The following NUBPL variants were observed in gnomAD, a reference collection of about 807,000 sequenced individuals.
NUBPL encodes the protein iron-sulfur cluster transfer protein NUBPL.
NUBPL carries 31 observed loss-of-function variants against 45.7 expected under a neutral mutation model. That is an observed-to-expected ratio of 0.68 (90% confidence interval 0.51 to 0.92). The LOEUF (loss-of-function observed/expected upper bound fraction) is 0.92, where lower values mean the gene tolerates loss of function less well. Ranked by LOEUF, NUBPL falls within the 40% of genes least tolerant of loss-of-function variation. The probability of loss-of-function intolerance (pLI) is 0.00; values close to 1 mark genes in which losing one functional copy is unlikely to be tolerated. For missense variants in NUBPL, 401 were observed against 398.7 expected (o/e 1.01, Z -0.05); for synonymous variants, 144 against 140.9 (o/e 1.02, Z -0.15).
chr14:31,693,800 T>TAAA (rs60070958), intron 6 of NUBPL, among the ~76,000 whole-genome samples: 4 of 94,594 alleles, frequency 4.2e-5, no homozygotes, highest in African/African-American at 1.7e-4. Flanking sequence ...AAGACAAAAT[T>TAAA]AAAAAAAAAA....
chr14:31,798,302 G>GT (rs1566566926), intron 7 of NUBPL, among the ~76,000 whole-genome samples: 14 of 98,714 alleles, frequency 1.4e-4, no homozygotes, highest in South Asian at 3.5e-4. Flanking sequence ...ATTTATTTAT[G>GT]GTTTTTTTTT....
At chr14:31,620,253 T>C (rs1427988768) in intron 4 of NUBPL, among the ~76,000 whole-genome samples, 1 of 152,098 alleles carries the variant, frequency 6.6e-6, no homozygotes, top group Non-Finnish European at 1.5e-5. Context: ...AGGAGTTTGT[T>C]ATCCACCTTC....
intron 7 of NUBPL, among the ~76,000 whole-genome samples, chr14:31,793,920 C>T (rs1422735208): frequency 2.0e-5 from 2 of 98,570 alleles, no homozygotes; most frequent in Non-Finnish European, 3.9e-5. Flanking sequence ...GTGATATTCC[C>T]CTTCCTGTGT....
At chr14:31,836,580 C>A (rs2138999029) in intron 8 of NUBPL, among the ~76,000 whole-genome samples, 1 of 152,232 alleles carries the variant, frequency 6.6e-6, no homozygotes, top group African/African-American at 2.4e-5. Context: ...ATGAACAAAA[C>A]TGTAATATGG....
chr14:31,562,607 T>TG (rs1566414127), intron 2 of NUBPL, among the ~76,000 whole-genome samples: 2 of 106,086 alleles, frequency 1.9e-5, no homozygotes, highest in East Asian at 4.9e-4. Context: ...TTTTTTTGTT[T>TG]TTTTTTTTTT....
intron 4 of NUBPL, among the ~76,000 whole-genome samples, chr14:31,609,503 C>T (rs2034696568): frequency 6.6e-6 from 1 of 152,166 alleles, no homozygotes; most frequent in Admixed American, 6.5e-5. Context: ...CCACTTGCAG[C>T]ATTGAACAAA....
chr14:31,858,262 G>A (rs1041892494), intron 10 of NUBPL, among the ~76,000 whole-genome samples: 3 of 152,136 alleles, frequency 2.0e-5, no homozygotes, highest in South Asian at 4.1e-4. Flanking sequence ...CTCCTACTGG[G>A]TTCCTTCCAC....
rs540817252 is a variant in NUBPL at position 31,642,066 on chromosome 14, A to G, written c.383-31289A>G. ...CTATTGAGTTGTTTGAACTCCTGCTATGTTCTCTTTATTAATCCCTTGTCA... is the reference window on the plus strand; with the variant it reads ...CTATTGAGTTGTTTGAACTCCTGCTGTGTTCTCTTTATTAATCCCTTGTCA... On this transcript the variant is annotated intron_variant, in intron 4 of 10. Transcript: ENST00000281081. Among the ~76,000 whole-genome samples, 58 of 152,230 alleles carry G rather than the reference A, an allele frequency of 3.8e-4. No homozygotes were observed. In the South Asian group the frequency reaches 4.6e-3, roughly 12 times the overall value.
chr14:31,585,404 T>C (rs539416279), intron 3 of NUBPL, among the ~76,000 whole-genome samples: 5 of 152,354 alleles, frequency 3.3e-5, no homozygotes, highest in Middle Eastern at 3.4e-3. Context: ...TGAATAATAT[T>C]CCATTGTATG....
At chr14:31,800,174 G>A (rs1303815502) in intron 7 of NUBPL, among the ~76,000 whole-genome samples, 1 of 152,036 alleles carries the variant, frequency 6.6e-6, no homozygotes, top group Non-Finnish European at 1.5e-5. Context: ...TAATTCTCTT[G>A]CTGTTTCCAC....
intron 3 of NUBPL, among the ~76,000 whole-genome samples, chr14:31,598,923 A>G (rs2034351795): frequency 6.6e-6 from 1 of 152,178 alleles, no homozygotes; most frequent in South Asian, 2.1e-4. Context: ...GCCATCACAA[A>G]TCATTATTTT....
chr14:31,659,875 G>A lies in NUBPL; in HGVS notation c.383-13480G>A, dbSNP rs150491591. 3.0e-3 allele frequency among the ~76,000 whole-genome samples: 460 copies of A among 152,176 alleles called. 4 individuals are homozygous for A. The highest frequency in any genetic ancestry group is 0.01 in the African/African-American group (435 of 41,538). ...TGGAAAGGATGAATTGGAAAAGAGGGGCATTTTTTTAAAACTGAAAAATAG... is the reference window on the plus strand; with the variant it reads ...TGGAAAGGATGAATTGGAAAAGAGGAGCATTTTTTTAAAACTGAAAAATAG... On this transcript the variant is annotated intron_variant, in intron 4 of 10. Coordinates refer to ENST00000281081, the MANE Select transcript of NUBPL (RefSeq NM_025152.3).
In NUBPL at chr14:31,600,636, A is replaced by G. The variant is rs116014923; in HGVS notation, c.382+1257A>G. Among the ~76,000 whole-genome samples the G allele has an allele frequency of 5.7e-3, 870 of 152,336 alleles. 8 individuals are homozygous for G. Among genetic ancestry groups the G allele is most frequent in the African/African-American group, 0.02 (812 of 41,572 alleles). ...TATAGTGATTCAGAAAGCAGACATG[A>G]TAGATTCCGGATATTAGCCCTTTGT... On this transcript the variant is annotated intron_variant, in intron 4 of 10. Coordinates refer to ENST00000281081, the MANE Select transcript of NUBPL (RefSeq NM_025152.3).
chr14:31,621,768 T>A (rs1274436019), intron 4 of NUBPL, among the ~76,000 whole-genome samples: 2 of 152,192 alleles, frequency 1.3e-5, no homozygotes, highest in African/African-American at 4.8e-5. Context: ...ACGTCTTTTT[T>A]AAAATAAAGT....
rs572195371 is a variant in NUBPL at position 31,724,885 on chromosome 14, A to C, written c.513+51311A>C. On this transcript the variant is annotated intron_variant, in intron 6 of 10. Coordinates refer to ENST00000281081, the MANE Select transcript of NUBPL (RefSeq NM_025152.3). ...AGAATGATCAGGGAAGGCTTATCTGAGAAGGTGACATTTAAGCAGAGACTT... is the reference window on the plus strand; with the variant it reads ...AGAATGATCAGGGAAGGCTTATCTGCGAAGGTGACATTTAAGCAGAGACTT... Among the ~76,000 whole-genome samples the C allele has an allele frequency of 2.0e-5, 3 of 152,282 alleles. No individual in the cohort carries two copies. The South Asian group carries it at 6.2e-4, about 32-fold the overall frequency.
chr14:31,771,908 A>G, intron 6 of NUBPL: 1 of 982,992 alleles, frequency 1.0e-6, no homozygotes, highest in Non-Finnish European at 1.2e-6. Flanking sequence ...TGGTTGGGAT[A>G]GTTCTTCAGA....
At chr14:31,614,633 TA>T (rs2034847865) in intron 4 of NUBPL, among the ~76,000 whole-genome samples, 1 of 152,230 alleles carries the variant, frequency 6.6e-6, no homozygotes, top group South Asian at 2.1e-4. Flanking sequence ...AACCTAGTGT[TA>T]AAATTTTCAG....
At position 31,562,251 on chromosome 14, in the gene NUBPL, A is replaced by G. The variant is rs756270437; in HGVS notation, c.256+36A>G. 4 of 1,569,882 alleles carry G rather than the reference A, an allele frequency of 2.5e-6. No individual in the cohort carries two copies. In the Admixed American group the frequency reaches 5.2e-5, roughly 21 times the overall value. ...ATATTAATTCTATTCCTGATTAAGA[A>G]CTTATGCCAACAGACAAGTGCACAC... is the stretch of plus-strand genomic sequence containing the variant. On this transcript the variant is annotated intron_variant, in intron 2 of 10. Coordinates refer to ENST00000281081, the MANE Select transcript of NUBPL (RefSeq NM_025152.3).
At chr14:31,800,583 A>G (rs1459643935) in intron 7 of NUBPL, among the ~76,000 whole-genome samples, 8 of 152,228 alleles carry the variant, frequency 5.3e-5, no homozygotes. Context: ...CAAACCTTCA[A>G]TTTGTAAAAA....
Sources: allele counts gnomAD v4.1 joint callset (sites outside exome capture counted in the v4.1 genomes callset), GRCh38; gene constraint gnomAD v4.1.1; transcripts MANE v1.5; gene names NCBI Gene and HGNC (gene_info 2026-07-23, HGNC 2026-07-21).